RNF157: variants seen among roughly 807,000 people sequenced by gnomAD.
The protein encoded by RNF157 is ring finger protein 157.
Under a neutral mutation model 88.3 loss-of-function variants are expected in RNF157, and 55 were observed. The ratio of observed to expected loss-of-function variants is 0.62; its 90% CI spans 0.50 to 0.78. The LOEUF is 0.78. Ranked by LOEUF, RNF157 falls within the 30% of genes least tolerant of loss-of-function variation. The probability of loss-of-function intolerance (pLI) is 0.00; values close to 1 mark genes in which losing one functional copy is unlikely to be tolerated. For missense variants in RNF157, 788 were observed against 860.8 expected (o/e 0.92, Z 1.06); for synonymous variants, 334 against 341.2 (o/e 0.98, Z 0.23).
intron 6 of RNF157, 110 bp from the exon 7 acceptor site, chr17:76,165,655 C>T: frequency 8.8e-7 from 1 of 1,136,326 alleles, no homozygotes; most frequent in Non-Finnish European, 1.3e-6. Context: ...CAGTCTGTCT[C>T]TAGAAGGGGC....
intron 1 of RNF157, among the ~76,000 whole-genome samples, chr17:76,224,909 T>C (rs565567268): frequency 5.7e-4 from 87 of 152,288 alleles, no homozygotes; most frequent in Non-Finnish European, 9.1e-4. Flanking sequence ...CAGTGGCTCA[T>C]GCCTGTAATC....
In RNF157 at chr17:76,157,101, G is replaced by A. The variant is rs909629091; in HGVS notation, c.1414-780C>T. 6.6e-6 allele frequency among the ~76,000 whole-genome samples: 1 copy of A among 152,042 alleles called. No homozygotes were observed. Among genetic ancestry groups the A allele is most frequent in the African/African-American group, 2.4e-5 (1 of 41,400 alleles). Reference sequence around the variant, plus strand: ...CCTGCCTCAGCCTCCCGAGTAGCTGGGACTACAGGTGCATGCCACCACACC... The same window carrying A: ...CCTGCCTCAGCCTCCCGAGTAGCTGAGACTACAGGTGCATGCCACCACACC... On this transcript the variant is annotated intron_variant, in intron 13 of 18. Coordinates refer to ENST00000269391, the MANE Select transcript of RNF157 (RefSeq NM_052916.3). This position sits in a 1 kb window ranked among gnomAD's most constrained non-coding sequence, Gnocchi z 5.6.
chr17:76,217,977 TA>T (rs2069918393), intron 1 of RNF157, among the ~76,000 whole-genome samples: 1 of 152,098 alleles, frequency 6.6e-6, no homozygotes, highest in African/African-American at 2.4e-5. Context: ...TTTTATAAAA[TA>T]AAAAAGTTCT....
In RNF157 at chr17:76,210,395, C is replaced by T. The variant is rs553700918; in HGVS notation, c.207+1969G>A. Among the ~76,000 whole-genome samples, 13 of 151,670 alleles carry T rather than the reference C, an allele frequency of 8.6e-5. No homozygotes were observed. The East Asian group carries it at 1.4e-3, about 16-fold the overall frequency. ...GATCACGAGGTCAGATCGAGACCAT[C>T]CTGGCTAACACAGTGAAACCCCGTC... On this transcript the variant is annotated intron_variant, in intron 2 of 18. Transcript: ENST00000269391.
At chr17:76,206,123 G>A (rs573730884) in intron 2 of RNF157, among the ~76,000 whole-genome samples, 1 of 152,124 alleles carries the variant, frequency 6.6e-6, no homozygotes, top group Admixed American at 6.5e-5. Flanking sequence ...CCCAGCTACT[G>A]GAGAATCTGA....
At chr17:76,162,743 A>C in intron 8 of RNF157, 120 bp from the exon 9 acceptor site, 2 of 581,320 alleles carry the variant, frequency 3.4e-6, no homozygotes, top group Non-Finnish European at 5.8e-6. Flanking sequence ...ATGAGAAAAA[A>C]AATCAAAGGC....
intron 2 of RNF157, among the ~76,000 whole-genome samples, chr17:76,198,900 T>TCAC (rs1036167852): frequency 6.6e-6 from 1 of 152,228 alleles, no homozygotes; most frequent in African/African-American, 2.4e-5. Flanking sequence ...TTATGCTGAA[T>TCAC]CACCTGCAGT....
intron 2 of RNF157, among the ~76,000 whole-genome samples, chr17:76,190,863 G>A (rs1200203020): frequency 1.4e-5 from 2 of 146,310 alleles, no homozygotes; most frequent in African/African-American, 2.5e-5. Context: ...AGCCGAGATC[G>A]TGCCACTGCA....
intron 2 of RNF157, among the ~76,000 whole-genome samples, chr17:76,190,929 C>G (rs899013032): frequency 1.3e-5 from 2 of 151,312 alleles, no homozygotes; most frequent in African/African-American, 2.4e-5. Context: ...AAAGTTTACA[C>G]GGCTGAATGC....
At chr17:76,217,086 A>G (rs945820668) in intron 1 of RNF157, among the ~76,000 whole-genome samples, 1 of 152,222 alleles carries the variant, frequency 6.6e-6, no homozygotes, top group Admixed American at 6.5e-5. Flanking sequence ...ATTAATTTCT[A>G]AACTTTTGGT....
intron 2 of RNF157, among the ~76,000 whole-genome samples, chr17:76,189,332 A>T (rs943146177): frequency 1.3e-5 from 2 of 152,316 alleles, no homozygotes; most frequent in African/African-American, 4.8e-5. Context: ...ATAAATTATT[A>T]AAAAAATTAA....
At chr17:76,173,615 A>G in intron 3 of RNF157, 87 bp downstream of exon 3, 1 of 1,014,224 alleles carries the variant, frequency 9.9e-7, no homozygotes, top group Non-Finnish European at 1.5e-6. Context: ...AAACTGCTGT[A>G]TGAGTTCCTT....
At chr17:76,233,305 T>C (rs2070227159) in intron 1 of RNF157, among the ~76,000 whole-genome samples, 1 of 152,216 alleles carries the variant, frequency 6.6e-6, no homozygotes, top group African/African-American at 2.4e-5. Flanking sequence ...CTTTATGTGA[T>C]TTGCAAATAT....
At chr17:76,180,902 T>C (rs1478849280) in intron 2 of RNF157, among the ~76,000 whole-genome samples, 3 of 152,188 alleles carry the variant, frequency 2.0e-5, no homozygotes, top group African/African-American at 2.4e-5. Flanking sequence ...AGGAACAACA[T>C]GCCTGCCCCT....
intron 2 of RNF157, among the ~76,000 whole-genome samples, chr17:76,186,726 G>T (rs1388731592): frequency 6.6e-6 from 1 of 151,962 alleles, no homozygotes; most frequent in Admixed American, 6.6e-5. Flanking sequence ...GATAACCTGA[G>T]GTCAGGAGTT....
At chr17:76,213,229 T>C (rs1426099471) in intron 1 of RNF157, among the ~76,000 whole-genome samples, 1 of 152,156 alleles carries the variant, frequency 6.6e-6, no homozygotes, top group Admixed American at 6.5e-5. Context: ...TTGTAAAATA[T>C]ATGTTTGATC....
chr17:76,144,337 T>TTC lies in RNF157; in HGVS notation c.*897_*898insGA, dbSNP rs1335791144. The TTC allele has an allele frequency of 6.6e-6, 1 of 151,044 alleles. No homozygotes were observed. The highest frequency in any genetic ancestry group is 1.5e-5 in the Non-Finnish European group (1 of 67,706). The allele number at this position is 151,044 out of a possible 1,614,324, so 9.4% of individuals were successfully genotyped here. A position where few individuals can be genotyped will look rare whatever the true frequency, so the allele number is the denominator to read the frequency against. On this transcript the variant is annotated 3_prime_UTR_variant, in exon 19 of 19. Coordinates refer to ENST00000269391, the MANE Select transcript of RNF157 (RefSeq NM_052916.3). ...CAAGGGCTCCTTCTTTTTTTTTTTT[T>TTC]TTCTCTGTCGCCCAGGCTGGAGTGC... is the stretch of plus-strand genomic sequence containing the variant.
chr17:76,158,884 C>T (rs781190730), intron 12 of RNF157, among the ~76,000 whole-genome samples: 8 of 152,174 alleles, frequency 5.3e-5, no homozygotes, highest in Non-Finnish European at 1.0e-4. Context: ...AAACCACTGC[C>T]ATTTACAGGG....
Position 76,167,026 on chromosome 17 carries a change from C to G in RNF157, c.544G>C (p.Glu182Gln), listed in dbSNP as rs142137513. 6.8e-6 allele frequency: 11 copies of G among 1,610,196 alleles called. No individual in the cohort carries two copies. The highest frequency in any genetic ancestry group is 5.9e-6 in the Non-Finnish European group (7 of 1,179,590). The change falls in exon 5 of 19, where the codon GAG becomes CAG. Residue 182 changes from glutamate (E) to glutamine (Q), a missense_variant. Glu to Gln is a conservative substitution (Grantham distance 29). Transcript: ENST00000269391. The stretch of plus-strand genomic sequence containing the variant: ...CAGCTCACCTCCTCTTCGGCCCACT[C>G]GGAGGGATCCACGGTGTGGGAGGGC... ...CLPSHTVDPSEWAEEELGFDL... is the reference protein window; with the variant it reads ...CLPSHTVDPSQWAEEELGFDL...
Sources: allele counts gnomAD v4.1 joint callset (sites outside exome capture counted in the v4.1 genomes callset), GRCh38; gene constraint gnomAD v4.1.1; non-coding constraint Gnocchi (gnomAD v3.1); transcripts MANE v1.5; gene names NCBI Gene and HGNC (gene_info 2026-07-23, HGNC 2026-07-21).